Variants in MAP6 observed in about 807,000 individuals in gnomAD.
MAP6 encodes the protein microtubule-associated protein 6.
Under a neutral mutation model 42.4 loss-of-function variants are expected in MAP6, and 26 were observed. The ratio of observed to expected loss-of-function variants is 0.61; its 90% CI spans 0.45 to 0.85. The LOEUF is 0.85. MAP6 is among the 40% of genes least tolerant of loss of function. The pLI is 0.00. For synonymous variants in MAP6, 418 were observed against 443.8 expected, an observed-to-expected ratio of 0.94 and a Z score of 0.73; for missense variants, 966 against 1,099.0, an observed-to-expected ratio of 0.88 and a Z score of 1.71.
chr11:75,667,862 C>G lies in MAP6; in HGVS notation c.508G>C (p.Asp170His). ...ACGGGCTTGGGGATCCACGGGTGGT[C>G]CCCGCGGCGCGGCAGCGGCCAGGCG... ...FRAWPLPRRG[D>H]HPWIPKPVQI... The change falls in exon 1 of 4, where the codon GAC (aspartate) becomes CAC (histidine). Residue 170 changes from aspartate (D) to histidine (H), a missense_variant. Asp to His is a moderately conservative substitution (Grantham distance 81, BLOSUM62 -1). Transcript: ENST00000304771. This position sits in a 1 kb window ranked among gnomAD's most constrained non-coding sequence, Gnocchi z 5.6. 1 of 1,441,614 alleles carries G rather than the reference C, an allele frequency of 6.9e-7. No homozygotes were observed. The highest frequency in any genetic ancestry group is 9.1e-7 in the Non-Finnish European group (1 of 1,094,386). The allele number at this position is 1,441,614 out of a possible 1,614,324, so 89.3% of individuals were successfully genotyped here. A position where few individuals can be genotyped will look rare whatever the true frequency, so the allele number is the denominator to read the frequency against.
At position 75,587,648 on chromosome 11, in the gene MAP6, C is replaced by T. The variant is rs773852757; in HGVS notation, c.1853G>A (p.Gly618Asp). Residue 618 changes from glycine (G) to aspartate (D), a missense_variant, in exon 4 of 4, where the codon GGT (glycine) becomes GAT (aspartate). By Grantham distance (94) the Gly-to-Asp change is moderately conservative (BLOSUM62 -1). This residue lies in a region of MAP6 where 943 missense variants were observed against 1,049.9 expected (regional missense o/e 0.90). Transcript: ENST00000304771. Reference protein sequence around the residue: ...PIVPAPVKGEGPIVPAPVKDE... With the variant: ...PIVPAPVKGEDPIVPAPVKDE... ...CTTGACAGGTGCTGGGACTATGGGA[C>T]CTTCACCCTTGACAGGTGCTGGGAC... 2.5e-6 allele frequency: 4 copies of T among 1,613,540 alleles called. No homozygotes were observed. The highest frequency in any genetic ancestry group is 2.7e-5 in the African/African-American group (2 of 74,742).
intron 3 of MAP6, among the ~76,000 whole-genome samples, chr11:75,590,625 G>C (rs1437378807): frequency 1.3e-5 from 2 of 152,060 alleles, no homozygotes; most frequent in African/African-American, 4.8e-5. Context: ...TTTAATCATG[G>C]GAAGGTTATA....
chr11:75,625,465 G>A (rs1451450559), intron 1 of MAP6, among the ~76,000 whole-genome samples: 1 of 152,164 alleles, frequency 6.6e-6, no homozygotes, highest in African/African-American at 2.4e-5. Context: ...GGCCTACAGT[G>A]TGCACCAGAT....
intron 1 of MAP6, among the ~76,000 whole-genome samples, chr11:75,636,637 T>C (rs979526670): frequency 6.6e-6 from 1 of 152,170 alleles, no homozygotes; most frequent in Non-Finnish European, 1.5e-5. Flanking sequence ...CCACCTCCTT[T>C]AGCAGGCTCT....
intron 3 of MAP6, among the ~76,000 whole-genome samples, chr11:75,601,788 AC>A (rs1405852223): frequency 2.7e-5 from 4 of 146,796 alleles, no homozygotes; most frequent in South Asian, 2.3e-4. Flanking sequence ...CAAGGGAGCT[AC>A]CCCCCCAGAA....
At chr11:75,657,171 C>G (rs887135991) in intron 1 of MAP6, among the ~76,000 whole-genome samples, 1 of 148,776 alleles carries the variant, frequency 6.7e-6, no homozygotes, top group South Asian at 2.1e-4. Flanking sequence ...AGTGCAGTGG[C>G]ACGATCTTGG....
At chr11:75,653,487 C>T (rs1432460105) in intron 1 of MAP6, among the ~76,000 whole-genome samples, 1 of 152,172 alleles carries the variant, frequency 6.6e-6, no homozygotes, top group Non-Finnish European at 1.5e-5. Context: ...CACTTAGATG[C>T]CACCCAAATC....
intron 1 of MAP6, among the ~76,000 whole-genome samples, chr11:75,643,383 T>C (rs1043109406): frequency 1.3e-5 from 2 of 152,198 alleles, no homozygotes; most frequent in Non-Finnish European, 1.5e-5. Context: ...GATTTACATA[T>C]TTGTTTCTTC....
intron 1 of MAP6, among the ~76,000 whole-genome samples, chr11:75,666,575 C>T (rs556705682): frequency 3.3e-5 from 5 of 152,276 alleles, no homozygotes; most frequent in African/African-American, 1.2e-4. Context: ...CATAAGGTAT[C>T]ATGTGGAAGG....
chr11:75,595,133 A>T (rs1942555490), intron 3 of MAP6, among the ~76,000 whole-genome samples: 1 of 152,236 alleles, frequency 6.6e-6, no homozygotes, highest in Admixed American at 6.5e-5. Flanking sequence ...GTGGCTGCCC[A>T]GCCGCTGCTC....
At chr11:75,628,310 T>C (rs1052953363) in intron 1 of MAP6, among the ~76,000 whole-genome samples, 1 of 152,064 alleles carries the variant, frequency 6.6e-6, no homozygotes, top group African/African-American at 2.4e-5. Context: ...GCCAGAGAGA[T>C]TCACATTTAT....
chr11:75,662,830 C>T (rs1943876811), intron 1 of MAP6, among the ~76,000 whole-genome samples: 1 of 152,216 alleles, frequency 6.6e-6, no homozygotes, highest in Non-Finnish European at 1.5e-5. Flanking sequence ...AAGTTCTCCA[C>T]TGATTCCAAT....
intron 1 of MAP6, among the ~76,000 whole-genome samples, chr11:75,625,452 T>A (rs1225781431): frequency 6.6e-6 from 1 of 152,168 alleles, no homozygotes; most frequent in Admixed American, 6.5e-5. Context: ...AAGAGGATGT[T>A]GGGGCCTACA....
At chr11:75,662,542 A>G (rs2135699187) in intron 1 of MAP6, among the ~76,000 whole-genome samples, 1 of 152,366 alleles carries the variant, frequency 6.6e-6, no homozygotes, top group East Asian at 1.9e-4. Context: ...AAAATTATCT[A>G]GAGTGCTTGC....
intron 3 of MAP6, 149 bp downstream of exon 3, chr11:75,605,659 A>G: frequency 7.0e-7 from 1 of 1,436,960 alleles, no homozygotes; most frequent in Non-Finnish European, 9.1e-7. Flanking sequence ...AAGAAGCCAA[A>G]CCAAAGAGCT....
chr11:75,603,013 G>A (rs1036054071), intron 3 of MAP6: 98 of 985,660 alleles, frequency 9.9e-5, no homozygotes, highest in Non-Finnish European at 1.1e-4. Flanking sequence ...AGCACCAAGA[G>A]AGGTGTGCGC....
intron 1 of MAP6, among the ~76,000 whole-genome samples, chr11:75,628,230 A>G (rs1348722818): frequency 1.3e-5 from 2 of 152,218 alleles, no homozygotes; most frequent in Non-Finnish European, 2.9e-5. Flanking sequence ...CTGAAGTGGC[A>G]AACAGATCCC....
At chr11:75,619,766 G>A (rs1368102399) in intron 1 of MAP6, among the ~76,000 whole-genome samples, 2 of 152,212 alleles carry the variant, frequency 1.3e-5, no homozygotes, top group African/African-American at 4.8e-5. Context: ...TTGCTATTGT[G>A]AATAGTGCTG....
intron 1 of MAP6, among the ~76,000 whole-genome samples, chr11:75,613,830 C>T (rs777427878): frequency 6.6e-6 from 1 of 152,194 alleles, no homozygotes; most frequent in South Asian, 2.1e-4. Context: ...GGCCAGCCTT[C>T]AACCCCCTAC....
Sources: allele counts gnomAD v4.1 joint callset (sites outside exome capture counted in the v4.1 genomes callset), GRCh38; gene constraint gnomAD v4.1.1; regional missense constraint gnomAD v4.1.1; non-coding constraint Gnocchi (gnomAD v3.1); transcripts MANE v1.5; gene names NCBI Gene and HGNC (gene_info 2026-07-23, HGNC 2026-07-21).